PPP2R2B: variants seen among roughly 807,000 people sequenced by gnomAD.
PPP2R2B encodes protein phosphatase 2 regulatory subunit Bbeta, also known as serine/threonine-protein phosphatase 2A 55 kDa regulatory subunit B beta isoform.
In PPP2R2B, 5 loss-of-function variants were observed where a neutral mutation model predicts 46.0. The observed-to-expected ratio is 0.11, with a 90% CI of 0.06 to 0.23. The LOEUF (loss-of-function observed/expected upper bound fraction) is 0.23, where lower values mean the gene tolerates loss of function less well. Among genes scored for constraint, PPP2R2B ranks in the 10% least tolerant of loss-of-function variants. The pLI is 1.00. For synonymous variants in PPP2R2B, 215 were observed against 206.7 expected (o/e 1.04, Z -0.34); for missense variants, 367 against 575.0 (o/e 0.64, Z 3.70).
At chr5:146,904,689 C>G (rs1762943020) in intron 1 of PPP2R2B, among the ~76,000 whole-genome samples, 1 of 152,138 alleles carries the variant, frequency 6.6e-6, no homozygotes, top group African/African-American at 2.4e-5. Flanking sequence ...AAAGAGACTG[C>G]TAAAAGTAGC....
chr5:146,974,952 G>A (rs1752832539), intron 1 of PPP2R2B, among the ~76,000 whole-genome samples: 2 of 152,032 alleles, frequency 1.3e-5, no homozygotes, highest in Non-Finnish European at 2.9e-5. Flanking sequence ...GCCTCCCAAA[G>A]TGCTGGGACT....
intron 2 of PPP2R2B, among the ~76,000 whole-genome samples, chr5:146,727,285 G>GAA (rs1751934692): frequency 3.3e-5 from 5 of 149,856 alleles, no homozygotes; most frequent in Admixed American, 3.3e-4. Context: ...AGTCTTAAAG[G>GAA]GTAGGATTAT....
chr5:146,688,204 TA>T (rs956821675), intron 5 of PPP2R2B, among the ~76,000 whole-genome samples: 2 of 152,072 alleles, frequency 1.3e-5, no homozygotes, highest in African/African-American at 4.8e-5. Context: ...TAAATACAGA[TA>T]CTGGTATTTA....
intron 1 of PPP2R2B, among the ~76,000 whole-genome samples, chr5:147,033,489 A>G (rs1190691240): frequency 1.3e-5 from 2 of 152,180 alleles, no homozygotes; most frequent in East Asian, 3.9e-4. Flanking sequence ...GATATGAATG[A>G]CTATTTGTGG....
At chr5:146,740,810 G>A (rs762072573) in intron 2 of PPP2R2B, among the ~76,000 whole-genome samples, 1 of 152,050 alleles carries the variant, frequency 6.6e-6, no homozygotes, top group Non-Finnish European at 1.5e-5. Flanking sequence ...AAAAATTAGT[G>A]TTCTAAAAGA....
chr5:146,714,865 T>C (rs1780404813), intron 2 of PPP2R2B, among the ~76,000 whole-genome samples: 1 of 152,118 alleles, frequency 6.6e-6, no homozygotes, highest in Admixed American at 6.6e-5. Flanking sequence ...CTCTTCTTTC[T>C]TTTCTGCTTT....
intron 2 of PPP2R2B, among the ~76,000 whole-genome samples, chr5:146,776,601 A>G (rs1240943237): frequency 6.6e-6 from 1 of 152,150 alleles, no homozygotes; most frequent in Non-Finnish European, 1.5e-5. Context: ...CAATAGTTTT[A>G]ATATGACACC....
intron 1 of PPP2R2B, among the ~76,000 whole-genome samples, chr5:147,004,455 A>G (rs549774544): frequency 1.3e-5 from 2 of 152,288 alleles, no homozygotes; most frequent in South Asian, 4.1e-4. Context: ...TGGCCTTCTC[A>G]ATGTTAATCT....
chr5:147,031,175 T>C (rs2151891567), intron 1 of PPP2R2B, among the ~76,000 whole-genome samples: 1 of 151,988 alleles, frequency 6.6e-6, no homozygotes, highest in East Asian at 1.9e-4. Context: ...AGGCGGAGCT[T>C]GCAGTGAGCT....
intron 1 of PPP2R2B, among the ~76,000 whole-genome samples, chr5:146,884,381 G>A (rs1026345029): frequency 3.9e-5 from 6 of 152,036 alleles, no homozygotes; most frequent in African/African-American, 1.2e-4. Flanking sequence ...TTCCAGGTTG[G>A]TTATGAAATT....
intron 2 of PPP2R2B, among the ~76,000 whole-genome samples, chr5:146,780,121 A>G (rs887489143): frequency 6.6e-6 from 1 of 152,194 alleles, no homozygotes; most frequent in African/African-American, 2.4e-5. Flanking sequence ...ACTACAATTT[A>G]TTTTGGACCT....
intron 2 of PPP2R2B, among the ~76,000 whole-genome samples, chr5:146,803,806 C>T (rs1018601023): frequency 3.3e-5 from 5 of 152,180 alleles, no homozygotes; most frequent in Non-Finnish European, 7.3e-5. Context: ...GTTTTTCTAT[C>T]TGCAAAGTAG....
chr5:146,596,508 C>A (rs1771183077), intron 8 of PPP2R2B, among the ~76,000 whole-genome samples: 2 of 152,208 alleles, frequency 1.3e-5, no homozygotes, highest in South Asian at 4.1e-4. Context: ...TAAATTACTT[C>A]ACGTAAAAGC....
Position 146,855,985 on chromosome 5 carries a change from A to T in PPP2R2B, c.70+22017T>A, listed in dbSNP as rs188089344. On this transcript the variant is annotated intron_variant, in intron 2 of 9. Transcript: ENST00000394411. ...CAGTGATTTCTAGATCTATTTTCTC[A>T]TTGGAAATTACCTGTTCAGTGATAC... Among the ~76,000 whole-genome samples, 5 of 152,284 alleles carry T rather than the reference A, an allele frequency of 3.3e-5. No homozygotes were observed. In the East Asian group the frequency reaches 7.7e-4, roughly 23 times the overall value.
intron 1 of PPP2R2B, among the ~76,000 whole-genome samples, chr5:147,021,406 A>G (rs1755261842): frequency 1.3e-5 from 2 of 152,222 alleles, no homozygotes; most frequent in African/African-American, 2.4e-5. Flanking sequence ...GAAATCTGCA[A>G]TAGAAGTCCT....
At chr5:146,825,756 G>GTGCTGTAGTTTAAAGTATGCAT (rs1269746909) in intron 2 of PPP2R2B, among the ~76,000 whole-genome samples, 1 of 152,206 alleles carries the variant, frequency 6.6e-6, no homozygotes, top group East Asian at 1.9e-4. Context: ...AAAGTATGCA[G>GTGCTGTAGTTTAAAGTATGCAT]TGCTATATTT....
chr5:146,822,627 CT>C (rs1384527977), intron 2 of PPP2R2B, among the ~76,000 whole-genome samples: 2 of 148,432 alleles, frequency 1.3e-5, no homozygotes, highest in Non-Finnish European at 3.0e-5. Flanking sequence ...ATATCCTTAA[CT>C]TGTCCTAATC....
At chr5:146,627,467 T>G (rs1438333035) in intron 7 of PPP2R2B, among the ~76,000 whole-genome samples, 1 of 152,060 alleles carries the variant, frequency 6.6e-6, no homozygotes, top group African/African-American at 2.4e-5. Flanking sequence ...AGAATGAGAG[T>G]GGATTTTATG....
chr5:146,582,248 CTT>C lies in PPP2R2B; in HGVS notation c.*7697_*7698del, dbSNP rs1769929868. The C allele has an allele frequency of 6.6e-6, 1 of 152,188 alleles. No homozygotes were observed. The allele number at this position is 152,188 out of a possible 1,614,324, so 9.4% of individuals were successfully genotyped here. Reference sequence around the variant, plus strand: ...AGTGGGAGGGTTGAGAATAATAGCTCTTGTCACTTCCCTTTGCCTTGTTATGG... The same window carrying C: ...AGTGGGAGGGTTGAGAATAATAGCTCGTCACTTCCCTTTGCCTTGTTATGG... On this transcript the variant is annotated 3_prime_UTR_variant, in exon 10 of 10. Transcript: ENST00000394411.
Sources: allele counts gnomAD v4.1 joint callset (sites outside exome capture counted in the v4.1 genomes callset), GRCh38; gene constraint gnomAD v4.1.1; transcripts MANE v1.5; gene names NCBI Gene and HGNC (gene_info 2026-07-23, HGNC 2026-07-21).